The following POC1B variants were observed in gnomAD, a reference collection of about 807,000 sequenced individuals.
POC1B encodes POC1 centriolar protein homolog B.
POC1B carries 44 observed loss-of-function variants against 60.6 expected under a neutral mutation model. That is an observed-to-expected ratio of 0.73 (90% CI 0.57 to 0.93). The LOEUF (loss-of-function observed/expected upper bound fraction) is 0.93, where lower values mean the gene tolerates loss of function less well. Ranked by LOEUF, POC1B falls within the 40% of genes least tolerant of loss-of-function variation. The pLI is 0.00. For synonymous variants in POC1B, 180 were observed against 198.9 expected (o/e 0.90, Z 0.80); for missense variants, 555 against 572.3 (o/e 0.97, Z 0.31).
intron 3 of POC1B, 190 bp downstream of exon 3, chr12:89,496,981 T>C: frequency 1.6e-6 from 1 of 615,768 alleles, no homozygotes; most frequent in Non-Finnish European, 2.8e-6. Flanking sequence ...AGGAAATAGT[T>C]TTCAAAAAGA....
intron 10 of POC1B, among the ~76,000 whole-genome samples, chr12:89,432,725 G>A (rs76299296): frequency 0.015 from 2,254 of 152,280 alleles, 91 homozygotes; most frequent in East Asian, 0.13. Flanking sequence ...AATTTTGGAC[G>A]TGTTATGTTT....
chr12:89,497,392 A>T (rs1400904370), intron 2 of POC1B, 50 bp from the exon 3 acceptor site: 1 of 1,534,296 alleles, frequency 6.5e-7, no homozygotes, highest in Admixed American at 1.7e-5. Flanking sequence ...ATGCAAACAT[A>T]GGTGTGTCTC....
intron 2 of POC1B, chr12:89,502,178 A>G: frequency 8.7e-7 from 1 of 1,150,564 alleles, no homozygotes; most frequent in Non-Finnish European, 1.3e-6. Flanking sequence ...CTCAATAATA[A>G]TTATTTAATG....
chr12:89,411,859 C>T, the POC1B span, among the ~76,000 whole-genome samples: 1 of 152,172 alleles, frequency 6.6e-6, no homozygotes, highest in Non-Finnish European at 1.5e-5. Flanking sequence ...AAAAGCAACA[C>T]CCCCTTGCAA....
chr12:89,500,851 C>A, intron 2 of POC1B: 1 of 1,058,824 alleles, frequency 9.4e-7, no homozygotes, highest in Non-Finnish European at 1.4e-6. Context: ...ATACGACATT[C>A]AGAATATGAA....
At chr12:89,441,419 C>T (rs906288626) in intron 10 of POC1B, among the ~76,000 whole-genome samples, 4 of 152,158 alleles carry the variant, frequency 2.6e-5, no homozygotes, top group African/African-American at 9.7e-5. Flanking sequence ...GACGAAGCTT[C>T]CAGAGGAAGG....
chr12:89,455,537 GTTGT>G, intron 10 of POC1B, among the ~76,000 whole-genome samples: 1 of 152,128 alleles, frequency 6.6e-6, no homozygotes, highest in East Asian at 1.9e-4. Context: ...GTCTGGCTAG[GTTGT>G]TTGTTTCTTG....
rs375987588 is a variant in POC1B, at chr12:89,437,933, G to C, written c.1114-12554C>G. On this transcript the variant is annotated intron_variant, in intron 10 of 11. Transcript: ENST00000313546. ...AGTGTTGGTGTGGCCTGCAGTTCCA[G>C]CTACTCCAGAGGCTGAGGCAGGAGA... 7.9e-5 allele frequency among the ~76,000 whole-genome samples: 12 copies of C among 151,706 alleles called. No individual in the cohort carries two copies. The East Asian group carries it at 1.9e-3, about 25-fold the overall frequency.
chr12:89,472,065 G>T (rs1452192667), intron 5 of POC1B, 103 bp downstream of exon 5: 5 of 837,450 alleles, frequency 6.0e-6, no homozygotes, highest in Admixed American at 2.4e-5. Context: ...ACTGCACCCG[G>T]CCATATTTCA....
chr12:89,470,262 TG>T, intron 7 of POC1B, 98 bp downstream of exon 7: 1 of 735,494 alleles, frequency 1.4e-6, no homozygotes, highest in Non-Finnish European at 1.7e-6. Context: ...GTGCTATGTC[TG>T]GAAAAACAAT....
At chr12:89,480,348 G>A (rs12315913) in intron 4 of POC1B, among the ~76,000 whole-genome samples, 42,895 of 151,438 alleles carry the variant, frequency 0.28, 6,544 homozygotes, top group Non-Finnish European at 0.35. Context: ...GGCTGCCCAG[G>A]CTGGTCTCAA....
intron 10 of POC1B, among the ~76,000 whole-genome samples, chr12:89,451,182 C>T (rs1882027480): frequency 6.6e-6 from 1 of 152,002 alleles, no homozygotes; most frequent in African/African-American, 2.4e-5. Context: ...TCCCCTTCAA[C>T]TTAAAACAAA....
intron 4 of POC1B, among the ~76,000 whole-genome samples, chr12:89,475,330 T>C (rs943726808): frequency 4.6e-5 from 7 of 152,168 alleles, no homozygotes; most frequent in Admixed American, 1.3e-4. Flanking sequence ...GTACAGGCAG[T>C]GGCTGGGAAG....
At chr12:89,466,748 C>CA in intron 9 of POC1B, 22 bp downstream of exon 9, 2 of 1,589,676 alleles carry the variant, frequency 1.3e-6, no homozygotes, top group Non-Finnish European at 1.7e-6. Context: ...AAATGTAGGA[C>CA]AAATATGAAC....
intron 2 of POC1B, among the ~76,000 whole-genome samples, chr12:89,504,507 C>G (rs1869797762): frequency 6.6e-6 from 1 of 151,934 alleles, no homozygotes; most frequent in Non-Finnish European, 1.5e-5. Flanking sequence ...AACCAGAGAC[C>G]TTTGTTCACT....
At chr12:89,480,437 T>C (rs1481009065) in intron 4 of POC1B, among the ~76,000 whole-genome samples, 3 of 151,720 alleles carry the variant, frequency 2.0e-5, no homozygotes, top group Non-Finnish European at 2.9e-5. Context: ...TCTTTTTTTT[T>C]TTTTTATAGA....
At chr12:89,406,183 G>C in the POC1B span, among the ~76,000 whole-genome samples, 1 of 152,034 alleles carries the variant, frequency 6.6e-6, no homozygotes, top group Admixed American at 6.6e-5. Flanking sequence ...GTGAGTGTCT[G>C]GCAAAGGGAA....
intron 3 of POC1B, among the ~76,000 whole-genome samples, chr12:89,494,915 T>C (rs74720486): frequency 0.015 from 2,246 of 152,280 alleles, 43 homozygotes; most frequent in Middle Eastern, 0.048. Context: ...TGAAGCTGCA[T>C]GAGTAATCTC....
At chr12:89,484,852 C>T (rs1868548985) in intron 4 of POC1B, among the ~76,000 whole-genome samples, 1 of 152,302 alleles carries the variant, frequency 6.6e-6, no homozygotes, top group African/African-American at 2.4e-5. Context: ...GGTGACTGAC[C>T]AGCAGTACTG....
Sources: gnomAD v4.1 joint callset for allele counts (sites outside exome capture counted in the v4.1 genomes callset) on GRCh38, gnomAD v4.1.1 for gene constraint, MANE v1.5 for transcripts, NCBI Gene and HGNC (gene_info 2026-07-23, HGNC 2026-07-21) for gene names.